The following TGFBRAP1 variants were observed in gnomAD, a reference collection of about 807,000 sequenced individuals.
TGFBRAP1 encodes transforming growth factor-beta receptor-associated protein 1.
In TGFBRAP1, 20 loss-of-function variants were observed where a neutral mutation model predicts 83.2. The ratio of observed to expected loss-of-function variants is 0.24; its 90% CI spans 0.17 to 0.35. The LOEUF (loss-of-function observed/expected upper bound fraction) is 0.35, where lower values mean the gene tolerates loss of function less well. TGFBRAP1 is among the 10% of genes least tolerant of loss of function. The probability of loss-of-function intolerance (pLI) is 1.00; values close to 1 mark genes in which losing one functional copy is unlikely to be tolerated. For synonymous variants in TGFBRAP1, 415 were observed against 459.8 expected, an observed-to-expected ratio of 0.90 and a Z score of 1.25; for missense variants, 950 against 1,099.4, an observed-to-expected ratio of 0.86 and a Z score of 1.92.
chr2:105,289,886 AAATT>A (rs1261239640), intron 4 of TGFBRAP1, among the ~76,000 whole-genome samples: 1 of 152,238 alleles, frequency 6.6e-6, no homozygotes, highest in African/African-American at 2.4e-5. Context: ...GTATCAATTT[AAATT>A]ATTACAGGAC....
chr2:105,277,635 G>T lies in TGFBRAP1; in HGVS notation c.1500C>A (p.Asn500Lys). The change falls in exon 7 of 12, where the codon AAC (asparagine) becomes AAA (lysine). Residue 500 changes from asparagine to lysine, a missense_variant. Physicochemically the swap from Asn to Lys is moderately conservative, Grantham distance 94. Coordinates refer to ENST00000393359, the MANE Select transcript of TGFBRAP1 (RefSeq NM_004257.6). ...TCACCTGAACTGCAGCAGCATCTTG[G>T]TTATTATAATGATAGAGCAGTCCAA... Reference protein sequence around the residue: ...FALGLLYHYNNQDAAAVQLWV... With the variant: ...FALGLLYHYNKQDAAAVQLWV... 1 of 1,614,110 alleles carries T rather than the reference G, an allele frequency of 6.2e-7. No homozygotes were observed. Among genetic ancestry groups the T allele is most frequent in the Non-Finnish European group, 8.5e-7 (1 of 1,180,024 alleles).
intron 1 of TGFBRAP1, among the ~76,000 whole-genome samples, chr2:105,320,108 T>C (rs75261497): frequency 0.017 from 2,535 of 152,268 alleles, 84 homozygotes; most frequent in African/African-American, 0.058. Context: ...CCAAATAATG[T>C]CCACCTGAGA....
intron 2 of TGFBRAP1, among the ~76,000 whole-genome samples, chr2:105,304,337 ATAT>A (rs1678413815): frequency 6.6e-6 from 1 of 152,356 alleles, no homozygotes; most frequent in African/African-American, 2.4e-5. Context: ...TCTCTTTATT[ATAT>A]AAGTTTACAT....
chr2:105,291,534 C>T (rs191233203), intron 4 of TGFBRAP1, among the ~76,000 whole-genome samples: 1 of 152,204 alleles, frequency 6.6e-6, no homozygotes, highest in East Asian at 1.9e-4. Context: ...TATTCATCGA[C>T]AGATGAATAA....
intron 5 of TGFBRAP1, among the ~76,000 whole-genome samples, chr2:105,281,613 G>A (rs1160447029): frequency 2.0e-5 from 3 of 152,162 alleles, no homozygotes; most frequent in African/African-American, 7.2e-5. Context: ...ATAACCCACA[G>A]GATAAATTTC....
chr2:105,277,753 A>G (rs1677398239), intron 6 of TGFBRAP1, 82 bp from the exon 7 acceptor site: 5 of 1,273,438 alleles, frequency 3.9e-6, no homozygotes, highest in Non-Finnish European at 4.6e-6. Flanking sequence ...CCCCCAGTCC[A>G]AGCTCCCCAT....
chr2:105,287,401 C>A (rs1014273661), intron 4 of TGFBRAP1, among the ~76,000 whole-genome samples: 6 of 152,108 alleles, frequency 3.9e-5, no homozygotes, highest in Admixed American at 3.3e-4. Flanking sequence ...AATAACTTCT[C>A]CAGGTAGATT....
At chr2:105,287,604 G>A (rs1677763401) in intron 4 of TGFBRAP1, among the ~76,000 whole-genome samples, 1 of 152,120 alleles carries the variant, frequency 6.6e-6, no homozygotes, top group South Asian at 2.1e-4. Context: ...TATACAGGGA[G>A]CAGAACCGTG....
At position 105,269,734 on chromosome 2, in the gene TGFBRAP1, G is replaced by T. The variant is rs1677085238; in HGVS notation, c.1973-29C>A. The stretch of plus-strand genomic sequence containing the variant: ...CAAGACAGAACCTGCAGCTCAGAAA[G>T]AAAGGGGCTCGCCGGCCACCCGCCC... On this transcript the variant is annotated intron_variant, in intron 10 of 11. Coordinates refer to ENST00000393359, the MANE Select transcript of TGFBRAP1 (RefSeq NM_004257.6). This position sits in a 1 kb window ranked among gnomAD's most constrained non-coding sequence, Gnocchi z 4.1. 6.8e-7 allele frequency: 1 copy of T among 1,480,024 alleles called. No individual in the cohort carries two copies. Among genetic ancestry groups the T allele is most frequent in the Admixed American group, 2.3e-5 (1 of 43,060 alleles). 91.7% of individuals were successfully genotyped at this position (1,480,024 alleles called of 1,614,324 possible). A position where few individuals can be genotyped will look rare whatever the true frequency, so the allele number is the denominator to read the frequency against.
chr2:105,281,444 A>G (rs1677534541), intron 5 of TGFBRAP1, among the ~76,000 whole-genome samples: 1 of 152,104 alleles, frequency 6.6e-6, no homozygotes, highest in Non-Finnish European at 1.5e-5. Context: ...CCCCAGACAC[A>G]TGGAATGGCG....
chr2:105,267,846 C>G, intron 11 of TGFBRAP1: 1 of 985,474 alleles, frequency 1.0e-6, no homozygotes, highest in Non-Finnish European at 1.2e-6. Context: ...CCAACATTCT[C>G]TGGCTCTGAT....
chr2:105,290,988 C>G (rs980146559), intron 4 of TGFBRAP1, among the ~76,000 whole-genome samples: 1 of 152,136 alleles, frequency 6.6e-6, no homozygotes, highest in South Asian at 2.1e-4. Flanking sequence ...GCCTGGGTGA[C>G]AGAGAGAGAC....
rs900790423 is a variant in TGFBRAP1 at position 105,269,186 on chromosome 2, A to T, written c.2406+86T>A. Reference sequence around the variant, plus strand: ...CATAGAGACAGAAAAAAGAAAAACCAACAAAGACTATTTTTCCATCAGTAA... The same window carrying T: ...CATAGAGACAGAAAAAAGAAAAACCTACAAAGACTATTTTTCCATCAGTAA... On this transcript the variant is annotated intron_variant, in intron 11 of 11. Coordinates refer to ENST00000393359, the MANE Select transcript of TGFBRAP1 (RefSeq NM_004257.6). This position sits in a 1 kb window ranked among gnomAD's most constrained non-coding sequence, Gnocchi z 4.1. 12 of 1,428,120 alleles carry T rather than the reference A, an allele frequency of 8.4e-6. No individual in the cohort carries two copies. The highest frequency in any genetic ancestry group is 1.1e-5 in the Non-Finnish European group (12 of 1,080,342). 88.5% of individuals were successfully genotyped at this position (1,428,120 alleles called of 1,614,324 possible).
intron 2 of TGFBRAP1, 29 bp downstream of exon 2, chr2:105,307,584 AG>A: frequency 6.4e-7 from 1 of 1,569,916 alleles, no homozygotes; most frequent in Non-Finnish European, 8.6e-7. Flanking sequence ...CCACCCAAAA[AG>A]ATCAGGCGCA....
rs923483752 is a variant in TGFBRAP1, at chr2:105,296,500, G to A, written c.894C>T (p.Ile298=). 6.8e-6 allele frequency: 11 copies of A among 1,611,240 alleles called. No individual in the cohort carries two copies. Among genetic ancestry groups the A allele is most frequent in the Admixed American group, 1.7e-5 (1 of 59,208 alleles). Residue 298 remains isoleucine, a synonymous_variant, in exon 4 of 12, where the codon ATC becomes ATT. Transcript: ENST00000393359. ...HILQDFEGRV[I]VATSKGVYIL... ...TGTAAACTCCTTTACTTGTGGCAACGATCACTCTTCCTGTGAAGAAATTCA... is the reference window on the plus strand; with the variant it reads ...TGTAAACTCCTTTACTTGTGGCAACAATCACTCTTCCTGTGAAGAAATTCA...
chr2:105,311,175 A>T (rs1678679567), intron 1 of TGFBRAP1, among the ~76,000 whole-genome samples: 1 of 152,048 alleles, frequency 6.6e-6, no homozygotes, highest in South Asian at 2.1e-4. Context: ...AAAACAAAAA[A>T]ACATATGGTT....
At chr2:105,250,907 C>A in the TGFBRAP1 span, among the ~76,000 whole-genome samples, 1 of 152,240 alleles carries the variant, frequency 6.6e-6, no homozygotes, top group Admixed American at 6.5e-5. Context: ...CTGCCAGCCT[C>A]GGCCTCCCAA....
intron 4 of TGFBRAP1, among the ~76,000 whole-genome samples, chr2:105,290,637 G>GTA (rs1677877731): frequency 6.6e-6 from 1 of 151,280 alleles, no homozygotes; most frequent in Non-Finnish European, 1.5e-5. Context: ...GTGTGTGTGT[G>GTA]TGTGTGTGTG....
intron 1 of TGFBRAP1, among the ~76,000 whole-genome samples, chr2:105,318,999 C>A (rs1045961441): frequency 6.6e-6 from 1 of 152,084 alleles, no homozygotes; most frequent in Non-Finnish European, 1.5e-5. Context: ...CTAAAACTCA[C>A]CAAGGACAGG....
Sources: allele counts gnomAD v4.1 joint callset (sites outside exome capture counted in the v4.1 genomes callset), GRCh38; gene constraint gnomAD v4.1.1; non-coding constraint Gnocchi (gnomAD v3.1); transcripts MANE v1.5; gene names NCBI Gene and HGNC (gene_info 2026-07-23, HGNC 2026-07-21).